Variants in CORO2A observed in about 807,000 individuals in gnomAD.
CORO2A encodes coronin-2A.
CORO2A carries 47 observed loss-of-function variants against 62.4 expected under a neutral mutation model. The observed-to-expected ratio is 0.75, with a 90% CI of 0.60 to 0.96. CORO2A has a LOEUF of 0.96. CORO2A is among the 40% of genes least tolerant of loss of function. The pLI is 0.00. For synonymous variants in CORO2A, 273 were observed against 268.9 expected (o/e 1.02, Z -0.15); for missense variants, 610 against 684.1 (o/e 0.89, Z 1.21).
rs185717540 is a variant in CORO2A, at chr9:98,174,553, A to C, written c.1-16893T>G. On this transcript the variant is annotated intron_variant, in intron 1 of 11. Coordinates refer to ENST00000375077, the MANE Select transcript of CORO2A (RefSeq NM_052820.4). Reference sequence around the variant, plus strand: ...TGTCCCCACCCAAATCTCATCTTGAATTGTAATCCCCAAGTGTGGAGGGAG... The same window carrying C: ...TGTCCCCACCCAAATCTCATCTTGACTTGTAATCCCCAAGTGTGGAGGGAG... Among the ~76,000 whole-genome samples the C allele has an allele frequency of 1.8e-4, 28 of 152,316 alleles. No homozygotes were observed. In the East Asian group the frequency reaches 5.4e-3, roughly 29 times the overall value.
chr9:98,185,950 C>T (rs2118942941), intron 1 of CORO2A, among the ~76,000 whole-genome samples: 1 of 152,336 alleles, frequency 6.6e-6, no homozygotes. Context: ...CTCAGGGGAC[C>T]TGCAGTGTGG....
rs142060625 is a variant in CORO2A, at chr9:98,142,558, A to C, written c.202-4870T>G. Among the ~76,000 whole-genome samples, 64 of 152,320 alleles carry C rather than the reference A, an allele frequency of 4.2e-4. No homozygotes were observed. In the East Asian group the frequency reaches 0.011, roughly 27 times the overall value. The stretch of plus-strand genomic sequence containing the variant: ...GACTCTGGCCCAGGGCCATGCCCCA[A>C]TTTCCGCAGTGCGGTTTCCCAAGAA... On this transcript the variant is annotated intron_variant, in intron 2 of 11. Coordinates refer to ENST00000375077, the MANE Select transcript of CORO2A (RefSeq NM_052820.4).
intron 1 of CORO2A, among the ~76,000 whole-genome samples, chr9:98,159,541 CCGTCCCT>C (rs1287585766): frequency 6.6e-6 from 1 of 151,578 alleles, no homozygotes; most frequent in East Asian, 2.0e-4. Flanking sequence ...GGCTCTTTGC[CCGTCCCT>C]CTCCTTCTGC....
In CORO2A at chr9:98,157,504, C is replaced by G; in HGVS notation, c.157G>C (p.Glu53Gln). ...VNPHFIAVVT[E>Q]CAGGGAFLVI... Reference sequence around the variant, plus strand: ...AGGAAGGCCCCTCCACCAGCACACTCAGTCACAACTGCAATGAAGTGGGGG... The same window carrying G: ...AGGAAGGCCCCTCCACCAGCACACTGAGTCACAACTGCAATGAAGTGGGGG... The change falls in exon 2 of 12, where the codon GAG becomes CAG. Residue 53 changes from glutamate to glutamine, a missense_variant. By Grantham distance (29) the Glu-to-Gln change is conservative. Coordinates refer to ENST00000375077, the MANE Select transcript of CORO2A (RefSeq NM_052820.4). 1.2e-6 allele frequency: 2 copies of G among 1,614,240 alleles called. No homozygotes were observed. The highest frequency in any genetic ancestry group is 1.7e-6 in the Non-Finnish European group (2 of 1,180,052).
chr9:98,160,460 A>G (rs10818534), intron 1 of CORO2A, among the ~76,000 whole-genome samples: 53,514 of 152,052 alleles, frequency 0.35, 11,335 homozygotes, highest in East Asian at 0.6. Flanking sequence ...AAAGGGATTT[A>G]TTTGGTGTCT....
At chr9:98,183,398 G>C (rs1485584610) in intron 1 of CORO2A, among the ~76,000 whole-genome samples, 1 of 152,204 alleles carries the variant, frequency 6.6e-6, no homozygotes, top group Non-Finnish European at 1.5e-5. Context: ...GCTCCCAACT[G>C]TTCCGAAGGC....
intron 1 of CORO2A, among the ~76,000 whole-genome samples, chr9:98,161,691 G>C (rs886978658): frequency 7.2e-5 from 11 of 152,148 alleles, no homozygotes; most frequent in African/African-American, 2.7e-4. Flanking sequence ...GGCTGGAGTA[G>C]GGCAGTGAAG....
In CORO2A at chr9:98,125,026, T is replaced by C. The variant is rs891643270; in HGVS notation, c.1447-121A>G. ...CGGTCACATTAACATGGCTGAGGCC[T>C]GATGGGGCTGTCACTGCATAGATCT... On this transcript the variant is annotated intron_variant, in intron 11 of 11. Coordinates refer to ENST00000375077, the MANE Select transcript of CORO2A (RefSeq NM_052820.4). 2.1e-5 allele frequency: 22 copies of C among 1,061,544 alleles called. No homozygotes were observed. The African/African-American group carries it at 3.0e-4, about 15-fold the overall frequency. The allele number at this position is 1,061,544 out of a possible 1,614,324, so 65.8% of individuals were successfully genotyped here. A position where few individuals can be genotyped will look rare whatever the true frequency, so the allele number is the denominator to read the frequency against.
At chr9:98,190,675 A>G (rs1259118356) in intron 1 of CORO2A, among the ~76,000 whole-genome samples, 1 of 152,218 alleles carries the variant, frequency 6.6e-6, no homozygotes, top group Non-Finnish European at 1.5e-5. Context: ...TTAAAGTCAT[A>G]GCATGACTTT....
intron 1 of CORO2A, among the ~76,000 whole-genome samples, chr9:98,164,661 C>T (rs1021278496): frequency 2.0e-5 from 3 of 152,216 alleles, no homozygotes; most frequent in Non-Finnish European, 4.4e-5. Context: ...CCTCTTGGCA[C>T]GAGGTGTCTT....
intron 2 of CORO2A, among the ~76,000 whole-genome samples, chr9:98,144,194 A>C (rs1161985154): frequency 1.4e-5 from 1 of 71,252 alleles, no homozygotes; most frequent in Admixed American, 1.1e-4. Flanking sequence ...GTTTCGAAGA[A>C]AAAAAAAAAA....
chr9:98,132,879 C>T (rs1827428280), intron 5 of CORO2A, among the ~76,000 whole-genome samples, 159 bp downstream of exon 5: 1 of 152,246 alleles, frequency 6.6e-6, no homozygotes, highest in Admixed American at 6.5e-5. Context: ...GGACATATCC[C>T]ACCTTCCAGC....
intron 10 of CORO2A, among the ~76,000 whole-genome samples, chr9:98,127,332 C>T (rs544800272): frequency 2.0e-5 from 3 of 152,306 alleles, no homozygotes; most frequent in East Asian, 3.9e-4. Flanking sequence ...CCAGGAGGCC[C>T]GCTCAGCCAC....
chr9:98,174,127 CA>C (rs1172886928), intron 1 of CORO2A, among the ~76,000 whole-genome samples: 1 of 137,654 alleles, frequency 7.3e-6, no homozygotes, highest in Admixed American at 7.2e-5. Context: ...CCCCCACCGC[CA>C]AAACAAAAAA....
chr9:98,159,859 A>G (rs1043301695), intron 1 of CORO2A, among the ~76,000 whole-genome samples: 6 of 151,696 alleles, frequency 4.0e-5, no homozygotes, highest in Non-Finnish European at 8.8e-5. Context: ...TTGGGCCCCC[A>G]CCTTCCCCAC....
At chr9:98,126,449 T>C (rs1827319741) in intron 11 of CORO2A, 100 bp downstream of exon 11, 1 of 1,470,938 alleles carries the variant, frequency 6.8e-7, no homozygotes. Flanking sequence ...CAGCTGGTTA[T>C]TCTTCTCATG....
Position 98,160,969 on chromosome 9 carries a change from T to C in CORO2A, c.1-3309A>G, listed in dbSNP as rs573177321. ...GGATGAGAAGGGTGCATGTTTCAGA[T>C]GGTGCATCTATAAGGTAGTTGGTCC... On this transcript the variant is annotated intron_variant, in intron 1 of 11. Transcript: ENST00000375077. Among the ~76,000 whole-genome samples the C allele has an allele frequency of 3.9e-5, 6 of 152,336 alleles. No homozygotes were observed. In the East Asian group the frequency reaches 1.2e-3, roughly 29 times the overall value.
intron 9 of CORO2A, among the ~76,000 whole-genome samples, 169 bp downstream of exon 9, chr9:98,128,438 G>A (rs1827358801): frequency 6.6e-6 from 1 of 152,158 alleles, no homozygotes; most frequent in Admixed American, 6.5e-5. Flanking sequence ...GAGGTGGACC[G>A]AGACCCAGGA....
intron 6 of CORO2A, among the ~76,000 whole-genome samples, chr9:98,131,976 T>A (rs1347030969): frequency 6.6e-6 from 1 of 152,050 alleles, no homozygotes; most frequent in African/African-American, 2.4e-5. Flanking sequence ...TCCTGACCCA[T>A]CTCCCTCCTT....
Sources: gnomAD v4.1 joint callset for allele counts (sites outside exome capture counted in the v4.1 genomes callset) on GRCh38, gnomAD v4.1.1 for gene constraint, MANE v1.5 for transcripts, NCBI Gene and HGNC (gene_info 2026-07-23, HGNC 2026-07-21) for gene names.